Variants in LPGAT1 observed in about 807,000 individuals in gnomAD.
LPGAT1 encodes acyl-CoA:lysophosphatidylglycerol acyltransferase 1.
LPGAT1 carries 11 observed loss-of-function variants against 47.5 expected under a neutral mutation model. That is an observed-to-expected ratio of 0.23 (90% CI 0.15 to 0.38). LPGAT1 has a LOEUF of 0.38. Among genes scored for constraint, LPGAT1 ranks in the 10% least tolerant of loss-of-function variants. LPGAT1 has a pLI of 1.00. For synonymous variants in LPGAT1, 138 were observed against 144.2 expected, an observed-to-expected ratio of 0.96 and a Z score of 0.31; for missense variants, 293 against 439.0, an observed-to-expected ratio of 0.67 and a Z score of 2.97.
At chr1:211,815,534 C>T (rs1344253908) in intron 2 of LPGAT1, among the ~76,000 whole-genome samples, 1 of 152,170 alleles carries the variant, frequency 6.6e-6, no homozygotes, top group Non-Finnish European at 1.5e-5. Flanking sequence ...CTCTTGAGTC[C>T]ATTTCTACAA....
intron 4 of LPGAT1, among the ~76,000 whole-genome samples, chr1:211,784,490 C>CAAAAAAAAA (rs373021672): frequency 8.9e-6 from 1 of 112,538 alleles, no homozygotes; most frequent in African/African-American, 3.5e-5. Flanking sequence ...GACCCTGTCT[C>CAAAAAAAAA]AAAAAAAAAA....
At position 211,749,540 on chromosome 1, in the gene LPGAT1, AT is replaced by A. The variant is rs566493632; in HGVS notation, c.*358del. On this transcript the variant is annotated 3_prime_UTR_variant, in exon 8 of 8. Transcript: ENST00000366997. ...TAGACTACAGCTAAGAGGGATGAAT[AT>A]AACTTTCTGAGCTTCAACTAAATTG... The A allele has an allele frequency of 4.2e-5, 11 of 259,614 alleles. No homozygotes were observed. In the South Asian group the frequency reaches 4.7e-4, roughly 11 times the overall value. The allele number at this position is 259,614 out of a possible 1,614,324, so 16.1% of individuals were successfully genotyped here.
At chr1:211,773,679 T>C (rs1658271371) in intron 6 of LPGAT1, among the ~76,000 whole-genome samples, 1 of 152,204 alleles carries the variant, frequency 6.6e-6, no homozygotes, top group African/African-American at 2.4e-5. Flanking sequence ...CCCCTATAAA[T>C]ACTCTCCCTG....
intron 2 of LPGAT1, among the ~76,000 whole-genome samples, chr1:211,804,831 G>A (rs938859441): frequency 6.6e-6 from 1 of 152,088 alleles, no homozygotes; most frequent in Non-Finnish European, 1.5e-5. Flanking sequence ...CTAAAATAAA[G>A]AGTAAAAATA....
chr1:211,791,161 C>G (rs1289719303), intron 3 of LPGAT1, among the ~76,000 whole-genome samples: 3 of 152,100 alleles, frequency 2.0e-5, no homozygotes, highest in African/African-American at 4.8e-5. Flanking sequence ...TTCAGATAGA[C>G]AAGAAAAACA....
rs765830609 is a variant in LPGAT1, at chr1:211,776,696, GT to G, written c.854+2221del. 1.7e-3 allele frequency among the ~76,000 whole-genome samples: 249 copies of G among 150,498 alleles called. 2 individuals are homozygous for G. The highest frequency in any genetic ancestry group is 7.8e-4 in the Non-Finnish European group (53 of 67,772). On this transcript the variant is annotated intron_variant, in intron 6 of 7. Coordinates refer to ENST00000366997, the MANE Select transcript of LPGAT1 (RefSeq NM_014873.3). ...ACATCATGTGAAACAAAATTGGCTG[GT>G]ACCATATGGCTTAATGTTCTAGAGT...
At chr1:211,825,885 G>A (rs999832874) in intron 2 of LPGAT1, among the ~76,000 whole-genome samples, 2 of 152,004 alleles carry the variant, frequency 1.3e-5, no homozygotes, top group South Asian at 2.1e-4. Flanking sequence ...GCTTGAACTC[G>A]GGAGGCGGAG....
intron 2 of LPGAT1, among the ~76,000 whole-genome samples, chr1:211,797,767 A>T (rs1221456657): frequency 1.3e-5 from 2 of 152,240 alleles, no homozygotes; most frequent in African/African-American, 2.4e-5. Context: ...CTTGATTAGA[A>T]GAACAAAAAT....
rs983884723 is a variant in LPGAT1, at chr1:211,745,452, T to C, written c.*4447A>G. The C allele has an allele frequency of 1.2e-4, 19 of 152,222 alleles. No individual in the cohort carries two copies. Among genetic ancestry groups the C allele is most frequent in the African/African-American group, 4.3e-4 (18 of 41,458 alleles). 9.4% of individuals were successfully genotyped at this position (152,222 alleles called of 1,614,324 possible). ...GTAAAGAATTTGTGCATCACAGTCA[T>C]GTGTTCAACAGTTTTACACAATAAA... On this transcript the variant is annotated 3_prime_UTR_variant, in exon 8 of 8. Coordinates refer to ENST00000366997, the MANE Select transcript of LPGAT1 (RefSeq NM_014873.3).
At position 211,830,347 on chromosome 1, in the gene LPGAT1, G is replaced by C. The variant is rs1344311927; in HGVS notation, c.-28+226C>G. On this transcript the variant is annotated intron_variant, in intron 1 of 7. Transcript: ENST00000366997. The surrounding 1 kb of genome is among the most constrained non-coding windows in gnomAD (Gnocchi z 5.9). Reference sequence around the variant, plus strand: ...CGCGGCTGCCTGCGGACAGAGGGACGGCGGGGACTCAGAGGCCGGACCTGT... The same window carrying C: ...CGCGGCTGCCTGCGGACAGAGGGACCGCGGGGACTCAGAGGCCGGACCTGT... 1.7e-6 allele frequency: 2 copies of C among 1,145,726 alleles called. No individual in the cohort carries two copies. The highest frequency in any genetic ancestry group is 4.2e-5 in the East Asian group (1 of 23,770). The allele number at this position is 1,145,726 out of a possible 1,614,324, so 71.0% of individuals were successfully genotyped here. A position where few individuals can be genotyped will look rare whatever the true frequency, so the allele number is the denominator to read the frequency against.
At position 211,794,631 on chromosome 1, in the gene LPGAT1, C is replaced by G. The variant is rs76679956; in HGVS notation, c.239-1441G>C. Among the ~76,000 whole-genome samples, 1,168 of 152,210 alleles carry G rather than the reference C, an allele frequency of 7.7e-3. 21 individuals carry two copies. The highest frequency in any genetic ancestry group is 0.026 in the African/African-American group (1,086 of 41,538). ...ACCTCATTTTACAGTAAATTTATGT[C>G]AAGCCTCAGTTTTCAAACATCAGAA... On this transcript the variant is annotated intron_variant, in intron 2 of 7. Coordinates refer to ENST00000366997, the MANE Select transcript of LPGAT1 (RefSeq NM_014873.3).
intron 2 of LPGAT1, among the ~76,000 whole-genome samples, chr1:211,795,456 C>G (rs990698318): frequency 1.4e-4 from 21 of 152,176 alleles, no homozygotes; most frequent in African/African-American, 5.1e-4. Context: ...CAACCTCCGA[C>G]TCCCAGGTTC....
chr1:211,769,688 T>A (rs368039938), intron 6 of LPGAT1, among the ~76,000 whole-genome samples: 13 of 152,286 alleles, frequency 8.5e-5, no homozygotes, highest in South Asian at 6.2e-4. Flanking sequence ...TTAGACCATA[T>A]AAGGTAACTT....
At chr1:211,805,116 A>G (rs1163589523) in intron 2 of LPGAT1, among the ~76,000 whole-genome samples, 3 of 9,990 alleles carry the variant, frequency 3.0e-4, no homozygotes, top group African/African-American at 1.0e-3. Flanking sequence ...CAATGAAATG[A>G]AAAAAAAAAT....
rs1417181884 is a variant in LPGAT1, at chr1:211,783,555, C to T, written c.454-53G>A. 22 of 1,469,498 alleles carry T rather than the reference C, an allele frequency of 1.5e-5. 1 individual carries two copies. In the South Asian group the frequency reaches 2.0e-4, roughly 13 times the overall value. 91.0% of individuals were successfully genotyped at this position (1,469,498 alleles called of 1,614,324 possible). On this transcript the variant is annotated intron_variant, in intron 4 of 7. Coordinates refer to ENST00000366997, the MANE Select transcript of LPGAT1 (RefSeq NM_014873.3). ...TACAGGTATATCCAAAATTAAAATG[C>T]CATAAAATTAAACAGAAATTACAGC...
At chr1:211,763,718 T>C (rs1351779463) in intron 6 of LPGAT1, among the ~76,000 whole-genome samples, 1 of 152,230 alleles carries the variant, frequency 6.6e-6, no homozygotes, top group Non-Finnish European at 1.5e-5. Flanking sequence ...CTTTTGCTAT[T>C]TCCATATAGA....
At chr1:211,776,882 G>C (rs1048903165) in intron 6 of LPGAT1, among the ~76,000 whole-genome samples, 1 of 151,946 alleles carries the variant, frequency 6.6e-6, no homozygotes, top group African/African-American at 2.4e-5. Context: ...TACACTTTGG[G>C]CACCCACTCC....
chr1:211,793,646 T>C (rs1659231308), intron 2 of LPGAT1, among the ~76,000 whole-genome samples: 1 of 152,114 alleles, frequency 6.6e-6, no homozygotes, highest in African/African-American at 2.4e-5. Context: ...TTGGCCAGGC[T>C]GGTCTCAAAC....
chr1:211,809,274 A>G (rs74752893), intron 2 of LPGAT1, among the ~76,000 whole-genome samples: 10,401 of 152,086 alleles, frequency 0.068, 416 homozygotes, highest in Non-Finnish European at 0.087. Context: ...GTTTCTTTCT[A>G]TAGTATGTCC....
Sources: allele counts gnomAD v4.1 joint callset (sites outside exome capture counted in the v4.1 genomes callset), GRCh38; gene constraint gnomAD v4.1.1; non-coding constraint Gnocchi (gnomAD v3.1); transcripts MANE v1.5; gene names NCBI Gene and HGNC (gene_info 2026-07-23, HGNC 2026-07-21).